Variants in LHFPL3 observed in about 807,000 individuals in gnomAD.
LHFPL3 encodes LHFPL tetraspan subfamily member 3, also known as LHFPL tetraspan subfamily member 3 protein.
LHFPL3 carries 5 observed loss-of-function variants against 19.3 expected under a neutral mutation model. That is an observed-to-expected ratio of 0.26 (90% confidence interval 0.14 to 0.54). The LOEUF (loss-of-function observed/expected upper bound fraction) is 0.54. Ranked by LOEUF, LHFPL3 falls within the 20% of genes least tolerant of loss-of-function variation. LHFPL3 has a pLI of 0.94. For missense variants in LHFPL3, 249 were observed against 307.4 expected (o/e 0.81, Z 1.42); for synonymous variants, 133 against 126.2 (o/e 1.05, Z -0.36).
At chr7:104,679,445 G>A (rs1287330478) in intron 1 of LHFPL3, among the ~76,000 whole-genome samples, 1 of 152,226 alleles carries the variant, frequency 6.6e-6, no homozygotes, top group Non-Finnish European at 1.5e-5. Flanking sequence ...TCAAGAGGTA[G>A]GGAGTTAGGC....
At position 104,905,243 on chromosome 7, in the gene LHFPL3, G is replaced by A. The variant is rs552855937; in HGVS notation, c.683-944G>A. ...AATGCTGGGATTACAAGTGTGAGCC[G>A]TAACACCCAGCCAAGAAATATTTTA... On this transcript the variant is annotated intron_variant, in intron 2 of 2. Transcript: ENST00000424859. Among the ~76,000 whole-genome samples, 226 of 152,060 alleles carry A rather than the reference G, an allele frequency of 1.5e-3. 1 individual carries two copies. Among genetic ancestry groups the A allele is most frequent in the African/African-American group, 5.1e-3 (213 of 41,472 alleles).
At chr7:104,642,197 C>A (rs1791850049) in intron 1 of LHFPL3, among the ~76,000 whole-genome samples, 1 of 151,860 alleles carries the variant, frequency 6.6e-6, no homozygotes, top group African/African-American at 2.4e-5. Flanking sequence ...GCCACCACAC[C>A]CAACTAATTT....
At chr7:104,737,244 A>G (rs1001335249) in intron 2 of LHFPL3, among the ~76,000 whole-genome samples, 1 of 151,680 alleles carries the variant, frequency 6.6e-6, no homozygotes, top group Admixed American at 6.6e-5. Context: ...GGTGGTGTCT[A>G]TTTGGTTGAA....
intron 1 of LHFPL3, among the ~76,000 whole-genome samples, chr7:104,638,463 G>T (rs1288920111): frequency 6.6e-6 from 1 of 151,862 alleles, no homozygotes; most frequent in South Asian, 2.1e-4. Flanking sequence ...TCCTTGTCTT[G>T]TGCCAGTTTT....
At chr7:104,605,203 G>C (rs1426440722) in intron 1 of LHFPL3, among the ~76,000 whole-genome samples, 2 of 152,142 alleles carry the variant, frequency 1.3e-5, no homozygotes, top group Non-Finnish European at 2.9e-5. Context: ...TTGACTGAGA[G>C]TTTTCAATCA....
intron 2 of LHFPL3, 105 bp from the exon 3 acceptor site, chr7:104,906,082 G>C: frequency 1.3e-5 from 14 of 1,093,824 alleles, no homozygotes; most frequent in Non-Finnish European, 1.9e-5. Flanking sequence ...CATTGGTATA[G>C]TTTTTCCGTG....
intron 2 of LHFPL3, among the ~76,000 whole-genome samples, chr7:104,878,817 C>T (rs976218228): frequency 4.6e-5 from 7 of 152,170 alleles, no homozygotes; most frequent in Non-Finnish European, 7.3e-5. Context: ...ATGGAAAGTG[C>T]TACTCCAGTG....
chr7:104,729,828 G>A (rs916537476), intron 1 of LHFPL3, among the ~76,000 whole-genome samples: 5 of 152,078 alleles, frequency 3.3e-5, no homozygotes, highest in Non-Finnish European at 1.5e-5. Flanking sequence ...CATGTGACAT[G>A]TTGGTGTGCT....
intron 1 of LHFPL3, among the ~76,000 whole-genome samples, chr7:104,584,657 T>A (rs992192583): frequency 6.6e-6 from 1 of 152,154 alleles, no homozygotes; most frequent in Non-Finnish European, 1.5e-5. Flanking sequence ...GAAGAAAGTC[T>A]CACTGAGTTC....
intron 1 of LHFPL3, among the ~76,000 whole-genome samples, chr7:104,445,567 T>C (rs762769553): frequency 6.6e-6 from 1 of 152,226 alleles, no homozygotes; most frequent in Non-Finnish European, 1.5e-5. Flanking sequence ...ATGGTGCCTG[T>C]CCCTAGAATT....
At chr7:104,822,866 A>C (rs1790703001) in intron 2 of LHFPL3, among the ~76,000 whole-genome samples, 1 of 152,168 alleles carries the variant, frequency 6.6e-6, no homozygotes, top group African/African-American at 2.4e-5. Flanking sequence ...GTGGGCTGGT[A>C]CCAAAAGATT....
At chr7:104,852,164 T>G (rs1314111747) in intron 2 of LHFPL3, among the ~76,000 whole-genome samples, 2 of 152,070 alleles carry the variant, frequency 1.3e-5, no homozygotes, top group East Asian at 3.9e-4. Context: ...GCCATGTGCA[T>G]CCTACCAGTC....
chr7:104,562,178 G>A (rs570468042), intron 1 of LHFPL3, among the ~76,000 whole-genome samples: 548 of 151,840 alleles, frequency 3.6e-3, no homozygotes, highest in African/African-American at 0.013. Context: ...TGCTCTTCTC[G>A]AGGAGTGTCT....
At chr7:104,823,840 T>C (rs1296893284) in intron 2 of LHFPL3, among the ~76,000 whole-genome samples, 1 of 151,882 alleles carries the variant, frequency 6.6e-6, no homozygotes. Context: ...TAATAAACTA[T>C]TCAAAAAAGA....
chr7:104,524,795 A>G (rs1794153259), intron 1 of LHFPL3, among the ~76,000 whole-genome samples: 1 of 152,186 alleles, frequency 6.6e-6, no homozygotes, highest in Non-Finnish European at 1.5e-5. Context: ...TCCAAAATTT[A>G]CTGGTTCTAC....
intron 1 of LHFPL3, among the ~76,000 whole-genome samples, chr7:104,440,260 G>T (rs1792197399): frequency 1.3e-5 from 2 of 152,188 alleles, no homozygotes; most frequent in South Asian, 4.1e-4. Context: ...CATGTCCTTT[G>T]TAGGGACATG....
intron 1 of LHFPL3, among the ~76,000 whole-genome samples, chr7:104,661,445 G>C (rs184374660): frequency 6.6e-6 from 1 of 152,154 alleles, no homozygotes; most frequent in African/African-American, 2.4e-5. Context: ...ACATATGCTT[G>C]TTCTCCCAAC....
At chr7:104,737,720 T>C (rs946836416) in intron 2 of LHFPL3, among the ~76,000 whole-genome samples, 2 of 152,230 alleles carry the variant, frequency 1.3e-5, no homozygotes, top group African/African-American at 2.4e-5. Flanking sequence ...TTAACAGTTT[T>C]ATCTTTATGT....
intron 2 of LHFPL3, among the ~76,000 whole-genome samples, chr7:104,789,740 T>C (rs916338510): frequency 4.6e-5 from 7 of 152,142 alleles, no homozygotes; most frequent in Non-Finnish European, 8.8e-5. Flanking sequence ...TTTCCCTCCA[T>C]TGTTAAGTCT....
Sources: allele counts gnomAD v4.1 joint callset (sites outside exome capture counted in the v4.1 genomes callset), GRCh38; gene constraint gnomAD v4.1.1; transcripts MANE v1.5; gene names NCBI Gene and HGNC (gene_info 2026-07-23, HGNC 2026-07-21).